SLC39A11: variants seen among roughly 807,000 people sequenced by gnomAD.
SLC39A11 encodes the protein zinc transporter ZIP11.
SLC39A11 carries 33 observed loss-of-function variants against 36.1 expected under a neutral mutation model. The ratio of observed to expected loss-of-function variants is 0.91; its 90% CI spans 0.69 to 1.22. The LOEUF (loss-of-function observed/expected upper bound fraction) is 1.22, where lower values mean the gene tolerates loss of function less well. Ranked by LOEUF, SLC39A11 falls within the 50% of genes most tolerant of loss-of-function variation. The pLI is 0.00. For synonymous variants in SLC39A11, 166 were observed against 170.3 expected (o/e 0.97, Z 0.20); for missense variants, 432 against 430.3 (o/e 1.00, Z -0.03).
At chr17:72,892,323 T>C (rs1193738362) in intron 5 of SLC39A11, among the ~76,000 whole-genome samples, 2 of 151,386 alleles carry the variant, frequency 1.3e-5, no homozygotes, top group Non-Finnish European at 2.9e-5. Context: ...GGTAGGAGAA[T>C]TGCTTGAACT....
intron 3 of SLC39A11, among the ~76,000 whole-genome samples, chr17:73,075,702 C>T (rs759200122): frequency 2.0e-5 from 3 of 152,010 alleles, no homozygotes; most frequent in South Asian, 4.1e-4. Context: ...AAAATACAAA[C>T]ATTAGCTAGG....
At chr17:73,008,355 G>A (rs372601396) in intron 4 of SLC39A11, among the ~76,000 whole-genome samples, 1 of 152,104 alleles carries the variant, frequency 6.6e-6, no homozygotes, top group African/African-American at 2.4e-5. Flanking sequence ...GCAGAGTGAA[G>A]GCACTTACAA....
At chr17:72,962,750 C>T (rs565387094) in intron 4 of SLC39A11, among the ~76,000 whole-genome samples, 4 of 152,184 alleles carry the variant, frequency 2.6e-5, no homozygotes, top group Non-Finnish European at 4.4e-5. Context: ...TTGGTGAGGC[C>T]GGTCTCGAAC....
chr17:72,728,624 G>A (rs138975786), intron 7 of SLC39A11, among the ~76,000 whole-genome samples: 9 of 152,146 alleles, frequency 5.9e-5, no homozygotes, highest in Non-Finnish European at 1.0e-4. Flanking sequence ...ATGGGTGCGC[G>A]TATGCTCCAA....
At chr17:72,714,566 G>A (rs560166305) in intron 7 of SLC39A11, among the ~76,000 whole-genome samples, 2 of 152,220 alleles carry the variant, frequency 1.3e-5, no homozygotes, top group South Asian at 2.1e-4. Context: ...TGCCTGCTAC[G>A]CAACCAGTAC....
chr17:72,704,529 C>T (rs77456476), intron 7 of SLC39A11, among the ~76,000 whole-genome samples: 2,053 of 152,280 alleles, frequency 0.013, 52 homozygotes, highest in African/African-American at 0.047. Flanking sequence ...TTATTTGATA[C>T]GCTTTTCAGT....
chr17:72,959,723 T>G (rs1181030161), intron 4 of SLC39A11, among the ~76,000 whole-genome samples: 1 of 151,992 alleles, frequency 6.6e-6, no homozygotes, highest in East Asian at 1.9e-4. Flanking sequence ...GGAAAAAAAT[T>G]TTTTTAAATA....
intron 7 of SLC39A11, among the ~76,000 whole-genome samples, chr17:72,652,279 G>A (rs2069886969): frequency 6.6e-6 from 1 of 152,340 alleles, no homozygotes; most frequent in Middle Eastern, 3.4e-3. Flanking sequence ...CAGACCCTGG[G>A]CATTGCAGAC....
chr17:73,064,854 C>A (rs930887724), intron 3 of SLC39A11, among the ~76,000 whole-genome samples: 2 of 152,096 alleles, frequency 1.3e-5, no homozygotes, highest in Non-Finnish European at 1.5e-5. Context: ...CTCTGGTCTC[C>A]GTGCTTCTCT....
At chr17:73,010,991 A>C (rs907380557) in intron 4 of SLC39A11, among the ~76,000 whole-genome samples, 9 of 152,176 alleles carry the variant, frequency 5.9e-5, no homozygotes, top group South Asian at 2.1e-4. Flanking sequence ...CTGAGAACCT[A>C]CTCTGTGCCG....
At chr17:73,081,064 C>G (rs1412385405) in intron 3 of SLC39A11, among the ~76,000 whole-genome samples, 1 of 151,986 alleles carries the variant, frequency 6.6e-6, no homozygotes, top group Non-Finnish European at 1.5e-5. Flanking sequence ...CCTTTGCAAC[C>G]TATACATCTG....
chr17:73,005,140 C>T (rs532849363), intron 4 of SLC39A11, among the ~76,000 whole-genome samples: 1 of 152,008 alleles, frequency 6.6e-6, no homozygotes, highest in Non-Finnish European at 1.5e-5. Context: ...GGGATTACAA[C>T]TAATTTTTGT....
chr17:72,803,483 G>C (rs1433491421), intron 6 of SLC39A11, among the ~76,000 whole-genome samples: 1 of 152,252 alleles, frequency 6.6e-6, no homozygotes, highest in Admixed American at 6.5e-5. Context: ...GGTTACTCTA[G>C]GGAAAGTGGG....
At chr17:73,084,565 T>C (rs1458019867) in intron 3 of SLC39A11, among the ~76,000 whole-genome samples, 3 of 149,116 alleles carry the variant, frequency 2.0e-5, no homozygotes, top group Non-Finnish European at 4.4e-5. Flanking sequence ...CCTTACCAAA[T>C]AAGATCTTAT....
chr17:72,863,316 C>T (rs551006624), intron 5 of SLC39A11, among the ~76,000 whole-genome samples: 2 of 152,202 alleles, frequency 1.3e-5, no homozygotes, highest in South Asian at 4.2e-4. Flanking sequence ...TCCATAATCT[C>T]CCCCATTTAC....
intron 7 of SLC39A11, among the ~76,000 whole-genome samples, chr17:72,710,649 G>A (rs1336720131): frequency 6.8e-6 from 1 of 147,444 alleles, no homozygotes; most frequent in East Asian, 2.2e-4. Context: ...AAATTACCCT[G>A]TCTATTTTGT....
At chr17:72,883,910 T>G (rs1598270376) in intron 5 of SLC39A11, among the ~76,000 whole-genome samples, 1 of 152,232 alleles carries the variant, frequency 6.6e-6, no homozygotes, top group East Asian at 1.9e-4. Context: ...ATCCCACCAC[T>G]TTGGGAGGCT....
At chr17:72,754,597 A>G (rs1427144570) in intron 6 of SLC39A11, among the ~76,000 whole-genome samples, 2 of 152,154 alleles carry the variant, frequency 1.3e-5, no homozygotes, top group Admixed American at 6.5e-5. Context: ...CCACCATTAC[A>G]GCACTGGAAT....
chr17:72,898,378 G>T (rs2082138484), intron 5 of SLC39A11, among the ~76,000 whole-genome samples: 1 of 152,144 alleles, frequency 6.6e-6, no homozygotes, highest in Admixed American at 6.5e-5. Flanking sequence ...CGCTGCTACT[G>T]GGGAGGAAAT....
Sources: gnomAD v4.1 joint callset for allele counts (sites outside exome capture counted in the v4.1 genomes callset) on GRCh38, gnomAD v4.1.1 for gene constraint, MANE v1.5 for transcripts, NCBI Gene and HGNC (gene_info 2026-07-23, HGNC 2026-07-21) for gene names.